VAV1: variants seen among roughly 807,000 people sequenced by gnomAD.
VAV1 encodes vav guanine nucleotide exchange factor 1, also known as proto-oncogene vav.
VAV1 carries 33 observed loss-of-function variants against 128.1 expected under a neutral mutation model. That is an observed-to-expected ratio of 0.26 (90% CI 0.20 to 0.34). The LOEUF is 0.34. VAV1 is among the 10% of genes least tolerant of loss of function. The pLI is 1.00. For missense variants in VAV1, 715 were observed against 1,093.7 expected (o/e 0.65, Z 4.88); for synonymous variants, 394 against 409.8 (o/e 0.96, Z 0.47).
At position 6,820,581 on chromosome 19, in the gene VAV1, T is replaced by C. The variant is rs1443809657; in HGVS notation, c.205-121T>C. The C allele has an allele frequency of 2.8e-6, 2 of 712,748 alleles. No homozygotes were observed. Among genetic ancestry groups the C allele is most frequent in the African/African-American group, 1.8e-5 (1 of 56,644 alleles). The allele number at this position is 712,748 out of a possible 1,614,324, so 44.2% of individuals were successfully genotyped here. ...TTTACCAGAAGATAATTCAATTTCATGGAAGAGGGTCTGTGCTTTCATTTC... is the reference window on the plus strand; with the variant it reads ...TTTACCAGAAGATAATTCAATTTCACGGAAGAGGGTCTGTGCTTTCATTTC... On this transcript the variant is annotated intron_variant, in intron 1 of 26. Coordinates refer to ENST00000602142, the MANE Select transcript of VAV1 (RefSeq NM_005428.4). This position sits in a 1 kb window ranked among gnomAD's most constrained non-coding sequence, Gnocchi z 4.4.
chr19:6,807,989 CAAAAAAAA>C (rs980612666), intron 1 of VAV1, among the ~76,000 whole-genome samples: 3 of 52,292 alleles, frequency 5.7e-5, no homozygotes, highest in Non-Finnish European at 1.2e-4. Context: ...GACTCTGTCT[CAAAAAAAA>C]AAAAAAAAAA....
chr19:6,812,271 T>G (rs1311251794), intron 1 of VAV1, among the ~76,000 whole-genome samples: 2 of 152,224 alleles, frequency 1.3e-5, no homozygotes, highest in Non-Finnish European at 2.9e-5. Context: ...ATTTGTGCTC[T>G]TGAGTAAACC....
chr19:6,808,850 C>T (rs1971453845), intron 1 of VAV1, among the ~76,000 whole-genome samples: 1 of 152,116 alleles, frequency 6.6e-6, no homozygotes, highest in South Asian at 2.1e-4. Flanking sequence ...AGGAGGGCCT[C>T]ATTCACATAT....
At chr19:6,800,110 C>T (rs923499253) in intron 1 of VAV1, among the ~76,000 whole-genome samples, 10 of 151,572 alleles carry the variant, frequency 6.6e-5, no homozygotes, top group African/African-American at 1.9e-4. Context: ...CCAACCTGAC[C>T]GACATAGTGA....
chr19:6,799,293 G>C (rs966172454), intron 1 of VAV1, among the ~76,000 whole-genome samples: 1 of 151,936 alleles, frequency 6.6e-6, no homozygotes, highest in African/African-American at 2.4e-5. Flanking sequence ...TCAGCCTCTC[G>C]AACAGCTGGG....
Position 6,773,064 on chromosome 19 carries a change from G to A in VAV1, c.204+53G>A, listed in dbSNP as rs540059875. ...AGGGTTGGAGACGGGGGTCCTCCCC[G>A]GGGCTGACAGTCGAGGGGCTGACGT... On this transcript the variant is annotated intron_variant, in intron 1 of 26. Transcript: ENST00000602142. The A allele has an allele frequency of 3.4e-5, 54 of 1,604,306 alleles. 1 individual carries two copies. In the South Asian group the frequency reaches 4.8e-4, roughly 14 times the overall value.
In VAV1 at chr19:6,847,966, G is replaced by A. The variant is rs770951101; in HGVS notation, c.2013-32G>A. Reference sequence around the variant, plus strand: ...ATATGGGGACCCAGGCACGGGGACCGTGCCACCTCTGTCCTTGGTGTCTCT... The same window carrying A: ...ATATGGGGACCCAGGCACGGGGACCATGCCACCTCTGTCCTTGGTGTCTCT... On this transcript the variant is annotated intron_variant, in intron 22 of 26. Coordinates refer to ENST00000602142, the MANE Select transcript of VAV1 (RefSeq NM_005428.4). 72 of 1,461,988 alleles carry A rather than the reference G, an allele frequency of 4.9e-5. 1 individual carries two copies. The highest frequency in any genetic ancestry group is 2.2e-4 in the South Asian group (15 of 69,306). The allele number at this position is 1,461,988 out of a possible 1,614,324, so 90.6% of individuals were successfully genotyped here.
chr19:6,818,837 C>T (rs972012188), intron 1 of VAV1, among the ~76,000 whole-genome samples: 8 of 152,036 alleles, frequency 5.3e-5, no homozygotes, highest in Non-Finnish European at 5.9e-5. Context: ...ACAAACTGGC[C>T]GGGCGTGGTG....
intron 22 of VAV1, 103 bp from the exon 23 acceptor site, chr19:6,847,895 T>G: frequency 9.1e-7 from 1 of 1,099,066 alleles, no homozygotes; most frequent in South Asian, 2.1e-5. Flanking sequence ...GTCACCAACT[T>G]AAAAAATCAA....
intron 1 of VAV1, among the ~76,000 whole-genome samples, chr19:6,792,043 G>A (rs1971030875): frequency 6.6e-6 from 1 of 152,086 alleles, no homozygotes; most frequent in Non-Finnish European, 1.5e-5. Context: ...GAGCATTTAA[G>A]CAGATCAATT....
intron 1 of VAV1, among the ~76,000 whole-genome samples, chr19:6,817,220 TTTGTTTGTTTTTTTG>T (rs1971674927): frequency 6.6e-6 from 1 of 151,610 alleles, no homozygotes; most frequent in Non-Finnish European, 1.5e-5. Flanking sequence ...GCTAATTTTT[TTTGTTTGTTTTTTTG>T]GTATTTTTAG....
intron 1 of VAV1, among the ~76,000 whole-genome samples, chr19:6,781,935 T>C (rs971327943): frequency 2.6e-5 from 4 of 152,170 alleles, no homozygotes; most frequent in African/African-American, 9.7e-5. Context: ...TTGACTTAAA[T>C]TGCAAGTCAG....
rs781617190 is a variant in VAV1, at chr19:6,828,909, A to G, written c.1265+9A>G. On this transcript the variant is annotated intron_variant, in intron 13 of 26. Transcript: ENST00000602142. This position sits in a 1 kb window ranked among gnomAD's most constrained non-coding sequence, Gnocchi z 4.5. Reference sequence around the variant, plus strand: ...CGCTCCAAGATGGACAGGTGGGTGGAGTCAACATGGATCTGGGATGGAGCC... The same window carrying G: ...CGCTCCAAGATGGACAGGTGGGTGGGGTCAACATGGATCTGGGATGGAGCC... The G allele has an allele frequency of 6.2e-7, 1 of 1,613,812 alleles. No individual in the cohort carries two copies. Among genetic ancestry groups the G allele is most frequent in the South Asian group, 1.1e-5 (1 of 91,060 alleles).
At chr19:6,838,954 G>A (rs984500093) in intron 21 of VAV1, among the ~76,000 whole-genome samples, 1 of 151,922 alleles carries the variant, frequency 6.6e-6, no homozygotes, top group African/African-American at 2.4e-5. Context: ...CCAGGCTGGA[G>A]TGCAGTGGGG....
chr19:6,789,866 T>C (rs191625275), intron 1 of VAV1, among the ~76,000 whole-genome samples: 3 of 152,066 alleles, frequency 2.0e-5, no homozygotes, highest in African/African-American at 7.2e-5. Flanking sequence ...CCCAAAGTGC[T>C]GGATTACAGG....
At chr19:6,832,986 A>T (rs148882420) in intron 15 of VAV1, among the ~76,000 whole-genome samples, 198 bp from the exon 16 acceptor site, 1 of 152,156 alleles carries the variant, frequency 6.6e-6, no homozygotes, top group South Asian at 2.1e-4. Context: ...GGAAACTCCT[A>T]GCCTGCTTTC....
Position 6,829,597 on chromosome 19 carries a change from C to G in VAV1, c.1266-189C>G, listed in dbSNP as rs2303819. ...GGGCCAGCGAGGGGTATGGGTGGAG[C>G]GAAGACTGACAGGCAGTAGGGCCAA... On this transcript the variant is annotated intron_variant, in intron 13 of 26. Transcript: ENST00000602142. Among the ~76,000 whole-genome samples the G allele has an allele frequency of 2.1e-4, 32 of 151,990 alleles. No individual in the cohort carries two copies. The East Asian group carries it at 6.2e-3, about 30-fold the overall frequency.
rs373230065 is a variant in VAV1 at position 6,822,721 on chromosome 19, A to G, written c.654+207A>G. Among the ~76,000 whole-genome samples, 17 of 148,688 alleles carry G rather than the reference A, an allele frequency of 1.1e-4. 3 individuals are homozygous for G. The highest frequency in any genetic ancestry group is 5.8e-4 in the East Asian group (3 of 5,140). On this transcript the variant is annotated intron_variant, in intron 6 of 26. Transcript: ENST00000602142. This position sits in a 1 kb window ranked among gnomAD's most constrained non-coding sequence, Gnocchi z 5.9. ...CTGACGTATATATATATTAAAAAAT[A>G]TATATAAAATATAGGACACTGCCTG...
At chr19:6,814,702 T>TTCTTTCTTTCTTTCTTTCTTTC (rs1971600381) in intron 1 of VAV1, among the ~76,000 whole-genome samples, 1 of 134,218 alleles carries the variant, frequency 7.5e-6, no homozygotes, top group Non-Finnish European at 1.5e-5. Context: ...CTTTCTTTCT[T>TTCTTTCTTTCTTTCTTTCTTTC]TCTTTCTTTC....
Sources: allele counts gnomAD v4.1 joint callset (sites outside exome capture counted in the v4.1 genomes callset), GRCh38; gene constraint gnomAD v4.1.1; non-coding constraint Gnocchi (gnomAD v3.1); transcripts MANE v1.5; gene names NCBI Gene and HGNC (gene_info 2026-07-23, HGNC 2026-07-21).